RBFOX3: variants seen among roughly 807,000 people sequenced by gnomAD.
The protein encoded by RBFOX3 is RNA binding protein fox-1 homolog 3.
In RBFOX3, 17 loss-of-function variants were observed where a neutral mutation model predicts 48.7. The ratio of observed to expected loss-of-function variants is 0.35; its 90% CI spans 0.24 to 0.52. The LOEUF (loss-of-function observed/expected upper bound fraction) is 0.52. Among genes scored for constraint, RBFOX3 ranks in the 20% least tolerant of loss-of-function variants. The probability of loss-of-function intolerance (pLI) is 0.94; values close to 1 mark genes in which losing one functional copy is unlikely to be tolerated. For synonymous variants in RBFOX3, 212 were observed against 209.5 expected (o/e 1.01, Z -0.10); for missense variants, 382 against 497.5 (o/e 0.77, Z 2.21).
intron 3 of RBFOX3, among the ~76,000 whole-genome samples, chr17:79,290,673 A>C (rs1418341189): frequency 6.6e-6 from 1 of 152,232 alleles, no homozygotes; most frequent in Non-Finnish European, 1.5e-5. Flanking sequence ...AATGATATTT[A>C]GGATGAATGT....
chr17:79,600,358 G>A (rs1283754766), intron 1 of RBFOX3: 3 of 151,854 alleles, frequency 2.0e-5, no homozygotes, highest in African/African-American at 4.8e-5. Flanking sequence ...ACAGGCACAT[G>A]CATGTACAAT....
At chr17:79,420,174 CAA>C (rs1555721369) in intron 2 of RBFOX3, among the ~76,000 whole-genome samples, 4,583 of 79,698 alleles carry the variant, frequency 0.058, 121 homozygotes, top group South Asian at 0.065. Context: ...CACACACACA[CAA>C]AAGATGGTTA....
intron 3 of RBFOX3, among the ~76,000 whole-genome samples, chr17:79,284,697 G>A (rs1451683276): frequency 6.6e-6 from 1 of 152,098 alleles, no homozygotes; most frequent in South Asian, 2.1e-4. Context: ...TCATCACCAC[G>A]TCCGGGTAAT....
At chr17:79,108,990 G>A (rs1281145490) in intron 5 of RBFOX3, among the ~76,000 whole-genome samples, 8 of 152,262 alleles carry the variant, frequency 5.3e-5, no homozygotes, top group African/African-American at 9.6e-5. Flanking sequence ...ACCCCACAGC[G>A]TGGGAACCGC....
chr17:79,526,861 G>A (rs1463438970), intron 1 of RBFOX3, among the ~76,000 whole-genome samples: 2 of 152,170 alleles, frequency 1.3e-5, no homozygotes. Flanking sequence ...AGAGGGTTTG[G>A]AAAAAAACCA....
intron 2 of RBFOX3, among the ~76,000 whole-genome samples, chr17:79,330,237 A>G (rs2080033267): frequency 6.6e-6 from 1 of 152,204 alleles, no homozygotes; most frequent in South Asian, 2.1e-4. Flanking sequence ...GACCCCCGGT[A>G]GAGTAGACAC....
At chr17:79,609,991 C>A (rs974372072) in intron 1 of RBFOX3, among the ~76,000 whole-genome samples, 10 of 152,002 alleles carry the variant, frequency 6.6e-5, no homozygotes, top group Non-Finnish European at 1.3e-4. Context: ...CCGCGCTGCT[C>A]GAGGCCCTGG....
chr17:79,108,001 T>C (rs2077732345), intron 5 of RBFOX3, among the ~76,000 whole-genome samples: 1 of 152,226 alleles, frequency 6.6e-6, no homozygotes, highest in East Asian at 1.9e-4. Flanking sequence ...ATGTGCCTTT[T>C]ATTGGCTTCC....
chr17:79,505,793 G>T (rs2083028363), intron 1 of RBFOX3, among the ~76,000 whole-genome samples: 1 of 152,192 alleles, frequency 6.6e-6, no homozygotes, highest in Admixed American at 6.5e-5. Context: ...CCATGATATT[G>T]ATCTCTATCG....
intron 4 of RBFOX3, among the ~76,000 whole-genome samples, chr17:79,134,132 C>T (rs767800187): frequency 1.3e-5 from 2 of 152,200 alleles, no homozygotes; most frequent in African/African-American, 2.4e-5. Context: ...AGGTCTGGGA[C>T]GTTCCCCTGT....
At chr17:79,578,471 T>C (rs1381376121) in intron 1 of RBFOX3, among the ~76,000 whole-genome samples, 3 of 152,220 alleles carry the variant, frequency 2.0e-5, no homozygotes, top group Non-Finnish European at 2.9e-5. Flanking sequence ...GCTGTGGGTG[T>C]ATGCACACAG....
chr17:79,393,554 C>A (rs2061603144), intron 2 of RBFOX3, among the ~76,000 whole-genome samples: 1 of 152,244 alleles, frequency 6.6e-6, no homozygotes, highest in Admixed American at 6.5e-5. Context: ...GGATGCTGAG[C>A]GGGTCATCAC....
intron 1 of RBFOX3, among the ~76,000 whole-genome samples, chr17:79,543,383 C>T (rs1015266564): frequency 7.2e-5 from 11 of 152,054 alleles, no homozygotes; most frequent in African/African-American, 2.7e-4. Context: ...ATCAGTGGTG[C>T]ACAGTGAAAG....
In RBFOX3 at chr17:79,349,106, T is replaced by C. The variant is rs578164275; in HGVS notation, c.-174-41282A>G. 5.3e-5 allele frequency among the ~76,000 whole-genome samples: 8 copies of C among 152,176 alleles called. No individual in the cohort carries two copies. In the East Asian group the frequency reaches 1.4e-3, roughly 26 times the overall value. ...TCTGTCTCCAAAATGTACCCATTTCTTGGCTCCTTCCCCATCCCCACGCCT... is the reference window on the plus strand; with the variant it reads ...TCTGTCTCCAAAATGTACCCATTTCCTGGCTCCTTCCCCATCCCCACGCCT... On this transcript the variant is annotated intron_variant, in intron 2 of 14. Coordinates refer to ENST00000693108, the MANE Select transcript of RBFOX3 (RefSeq NM_001350451.2).
At chr17:79,190,166 C>A (rs978600933) in intron 4 of RBFOX3, among the ~76,000 whole-genome samples, 3 of 152,236 alleles carry the variant, frequency 2.0e-5, no homozygotes, top group Non-Finnish European at 4.4e-5. Flanking sequence ...AATCCCAGCA[C>A]TTTGGGAGGC....
In RBFOX3 at chr17:79,443,255, G is replaced by A. The variant is rs1287414317; in HGVS notation, c.-175+39199C>T. 1.3e-5 allele frequency among the ~76,000 whole-genome samples: 2 copies of A among 152,242 alleles called. No homozygotes were observed. The highest frequency in any genetic ancestry group is 4.8e-5 in the African/African-American group (2 of 41,454). ...CCTCTGCCCCAACAAGCTGCTAGGT[G>A]TGTGTCACCAGGCCTCTGCCACCGG... On this transcript the variant is annotated intron_variant, in intron 2 of 14. Transcript: ENST00000693108. This position sits in a 1 kb window ranked among gnomAD's most constrained non-coding sequence, Gnocchi z 4.4.
At chr17:79,650,807 C>T in the RBFOX3 span, among the ~76,000 whole-genome samples, 76 of 152,292 alleles carry the variant, frequency 5.0e-4, no homozygotes, top group Non-Finnish European at 1.0e-3. Context: ...TCGACGTCAG[C>T]GCCCACCAGT....
At chr17:79,177,012 A>G (rs12951723) in intron 4 of RBFOX3, among the ~76,000 whole-genome samples, 1 of 152,112 alleles carries the variant, frequency 6.6e-6, no homozygotes, top group Non-Finnish European at 1.5e-5. Context: ...GTCGGAATCC[A>G]CTGGCCTCCC....
At chr17:79,167,077 G>C (rs1281799495) in intron 4 of RBFOX3, among the ~76,000 whole-genome samples, 1 of 152,208 alleles carries the variant, frequency 6.6e-6, no homozygotes, top group East Asian at 1.9e-4. Flanking sequence ...CCCCACGACA[G>C]ACGCGCTCAC....
Sources: gnomAD v4.1 joint callset for allele counts (sites outside exome capture counted in the v4.1 genomes callset) on GRCh38, gnomAD v4.1.1 for gene constraint, Gnocchi (gnomAD v3.1) non-coding constraint, MANE v1.5 for transcripts, NCBI Gene and HGNC (gene_info 2026-07-23, HGNC 2026-07-21) for gene names.